The following ZFHX3 variants were observed in gnomAD, a reference collection of about 807,000 sequenced individuals.
ZFHX3 encodes the protein zinc finger homeobox 3, also known as zinc finger homeobox protein 3.
Under a neutral mutation model 279.1 loss-of-function variants are expected in ZFHX3, and 42 were observed. That is an observed-to-expected ratio of 0.15 (90% CI 0.12 to 0.19). The LOEUF is 0.19. Among genes scored for constraint, ZFHX3 ranks in the 10% least tolerant of loss-of-function variants. The pLI is 1.00. For synonymous variants in ZFHX3, 2,293 were observed against 1,957.8 expected (o/e 1.17, Z -4.52); for missense variants, 4,981 against 4,754.0 (o/e 1.05, Z -1.40).
chr16:73,098,444 C>G (rs999693671), intron 7 of ZFHX3, among the ~76,000 whole-genome samples: 1 of 152,144 alleles, frequency 6.6e-6, no homozygotes, highest in African/African-American at 2.4e-5. Flanking sequence ...TCACTGCAAC[C>G]TCTACCTCCT....
At chr16:73,280,123 A>G (rs2014420119) in intron 4 of ZFHX3, among the ~76,000 whole-genome samples, 1 of 152,196 alleles carries the variant, frequency 6.6e-6, no homozygotes, top group Non-Finnish European at 1.5e-5. Context: ...AATCAACTCA[A>G]AATGGATTAA....
rs145077728 is a variant in ZFHX3, at chr16:72,796,718, G to A, written c.5964C>T (p.Cys1988=). 8.3e-5 allele frequency: 134 copies of A among 1,613,716 alleles called. No individual in the cohort carries two copies. The African/African-American group carries it at 1.3e-3, about 16-fold the overall frequency. Residue 1988 remains cysteine, a synonymous_variant, in exon 9 of 10, where the codon TGC becomes TGT. Transcript: ENST00000268489. ...ENLEKLECDS[C]GKLFSNILIL... is the part of the protein sequence containing the mutation. ...TCAAGATGTTGGAAAACAACTTGCC[G>A]CAGGAGTCACACTCGAGCTTTTCCA...
chr16:72,991,956 G>C (rs1963110784), intron 1 of ZFHX3, among the ~76,000 whole-genome samples: 1 of 152,148 alleles, frequency 6.6e-6, no homozygotes, highest in Non-Finnish European at 1.5e-5. Context: ...GGGTATTTGT[G>C]GTTATAACGG....
intron 3 of ZFHX3, 37 bp from the exon 4 acceptor site, chr16:72,889,999 A>G: frequency 6.4e-7 from 1 of 1,568,142 alleles, no homozygotes; most frequent in Non-Finnish European, 8.6e-7. Flanking sequence ...GCCTTGGGTA[A>G]GCCACTCGAA....
intron 5 of ZFHX3, among the ~76,000 whole-genome samples, chr16:73,172,606 G>A (rs1318503104): frequency 6.6e-6 from 1 of 152,220 alleles, no homozygotes; most frequent in East Asian, 1.9e-4. Context: ...GAGCGTGGGG[G>A]CTGTTTTGCA....
At chr16:73,264,913 T>C (rs890052120) in intron 4 of ZFHX3, among the ~76,000 whole-genome samples, 2 of 151,992 alleles carry the variant, frequency 1.3e-5, no homozygotes, top group African/African-American at 2.4e-5. Context: ...ATTAATTCAT[T>C]CCTTTTTATG....
At chr16:72,918,738 C>T (rs1477381640) in intron 3 of ZFHX3, among the ~76,000 whole-genome samples, 1 of 151,078 alleles carries the variant, frequency 6.6e-6, no homozygotes, top group Non-Finnish European at 1.5e-5. Flanking sequence ...CTCTGTCTCC[C>T]AGGCTGGAGC....
At chr16:73,883,348 C>T (rs1244383074) in intron 1 of ZFHX3, among the ~76,000 whole-genome samples, 1 of 151,904 alleles carries the variant, frequency 6.6e-6, no homozygotes. Context: ...TCTGTTACTC[C>T]AGGAATGAGT....
chr16:73,788,731 TATAGATATATCTATATATAGATC>T (rs1460006964), intron 1 of ZFHX3, among the ~76,000 whole-genome samples: 1 of 151,512 alleles, frequency 6.6e-6, no homozygotes, highest in African/African-American at 2.4e-5. Flanking sequence ...TATATCTATA[TATAGATATATCTATATATAGATC>T]ATGAGGTCAG....
intron 1 of ZFHX3, among the ~76,000 whole-genome samples, chr16:73,014,094 A>G (rs375685169): frequency 1.4e-4 from 22 of 152,264 alleles, no homozygotes; most frequent in African/African-American, 5.3e-4. Context: ...AGGAGATGTA[A>G]CAGAAGCATG....
chr16:73,193,065 G>T (rs1428431565), intron 5 of ZFHX3, among the ~76,000 whole-genome samples: 1 of 152,212 alleles, frequency 6.6e-6, no homozygotes, highest in Non-Finnish European at 1.5e-5. Flanking sequence ...CCTCCTACAG[G>T]CTCACAAACA....
intron 2 of ZFHX3, among the ~76,000 whole-genome samples, chr16:73,477,254 T>C (rs1179224500): frequency 1.3e-5 from 2 of 152,250 alleles, no homozygotes; most frequent in Non-Finnish European, 2.9e-5. Context: ...TCTTGTTTTC[T>C]GTGTGGTCAT....
chr16:72,792,435 C>T (rs181131165), intron 9 of ZFHX3, among the ~76,000 whole-genome samples: 1 of 152,220 alleles, frequency 6.6e-6, no homozygotes, highest in East Asian at 1.9e-4. Flanking sequence ...TAAGGATCTA[C>T]CACATAAGAC....
intron 3 of ZFHX3, among the ~76,000 whole-genome samples, chr16:73,347,811 G>A (rs978113607): frequency 6.6e-6 from 1 of 152,320 alleles, no homozygotes; most frequent in Middle Eastern, 3.4e-3. Context: ...AGCTCAAAGA[G>A]GATTAAATTA....
chr16:73,050,800 C>T (rs77014220), upstream of ZFHX3, among the ~76,000 whole-genome samples: 2,227 of 152,282 alleles, frequency 0.015, 55 homozygotes, highest in African/African-American at 0.049. Context: ...TCTTCCCTCG[C>T]AGTTCTCCAT....
Position 72,845,822 on chromosome 16 carries a change from C to T in ZFHX3, c.3449-15963G>A, listed in dbSNP as rs114460281. Among the ~76,000 whole-genome samples the T allele has an allele frequency of 5.2e-3, 788 of 152,294 alleles. 13 individuals carry two copies. Among genetic ancestry groups the T allele is most frequent in the African/African-American group, 0.017 (722 of 41,548 alleles). On this transcript the variant is annotated intron_variant, in intron 4 of 9. Coordinates refer to ENST00000268489, the MANE Select transcript of ZFHX3 (RefSeq NM_006885.4). ...TCTAACAATAGCAACACAATCATCA[C>T]TCAGCTGAAGTAGATAGTATTAGGA...
chr16:73,316,004 G>A (rs898500457), intron 4 of ZFHX3, among the ~76,000 whole-genome samples: 3 of 152,174 alleles, frequency 2.0e-5, no homozygotes, highest in African/African-American at 7.2e-5. Context: ...TGACCTCTTA[G>A]TGGGGGTTGG....
intron 4 of ZFHX3, among the ~76,000 whole-genome samples, chr16:73,270,262 A>G (rs1396550228): frequency 6.6e-6 from 1 of 152,178 alleles, no homozygotes; most frequent in African/African-American, 2.4e-5. Flanking sequence ...AATCACTTTA[A>G]ATCTACTCTG....
intron 2 of ZFHX3, among the ~76,000 whole-genome samples, chr16:73,644,227 G>C (rs767056131): frequency 3.3e-5 from 5 of 151,954 alleles, no homozygotes; most frequent in African/African-American, 4.8e-5. Context: ...GATGACTTCC[G>C]AGTCCTCCTT....
Sources: allele counts gnomAD v4.1 joint callset (sites outside exome capture counted in the v4.1 genomes callset), GRCh38; gene constraint gnomAD v4.1.1; transcripts MANE v1.5; gene names NCBI Gene and HGNC (gene_info 2026-07-23, HGNC 2026-07-21).